ARHGAP31: variants seen among roughly 807,000 people sequenced by gnomAD.
The protein encoded by ARHGAP31 is rho GTPase-activating protein 31.
A neutral mutation model predicts 113.9 loss-of-function variants in ARHGAP31; 34 were observed. The observed-to-expected ratio is 0.30, with a 90% CI of 0.23 to 0.40. The LOEUF is 0.40. Among genes scored for constraint, ARHGAP31 ranks in the 10% least tolerant of loss-of-function variants. The pLI is 1.00. For synonymous variants in ARHGAP31, 650 were observed against 684.8 expected (o/e 0.95, Z 0.79); for missense variants, 1,548 against 1,767.1 (o/e 0.88, Z 2.22).
In ARHGAP31 at chr3:119,294,699, G is replaced by A. The variant is rs1054143605; in HGVS notation, c.-206G>A. On this transcript the variant is annotated 5_prime_UTR_variant, in exon 1 of 12. Transcript: ENST00000264245. ...TGCACGGCCTCGGCACGGCGGCCCC[G>A]GAGCGGCGCGGGGTGGATCTCAGGC... is the stretch of plus-strand genomic sequence containing the variant. 1.1e-4 allele frequency: 63 copies of A among 596,348 alleles called. No individual in the cohort carries two copies. In the African/African-American group the frequency reaches 1.2e-3, roughly 11 times the overall value. 36.9% of individuals were successfully genotyped at this position (596,348 alleles called of 1,614,324 possible).
intron 6 of ARHGAP31, among the ~76,000 whole-genome samples, chr3:119,386,584 C>T (rs748993139): frequency 1.3e-5 from 2 of 152,140 alleles, no homozygotes; most frequent in South Asian, 2.1e-4. Context: ...TCCCTGTGTG[C>T]GGCGACGAGA....
intron 1 of ARHGAP31, among the ~76,000 whole-genome samples, chr3:119,319,414 A>G (rs1443648152): frequency 6.6e-6 from 1 of 152,098 alleles, no homozygotes; most frequent in African/African-American, 2.4e-5. Context: ...TTTCTCTGCC[A>G]CCGTCTTTTA....
chr3:119,355,261 T>C (rs2080144963), intron 1 of ARHGAP31, among the ~76,000 whole-genome samples: 1 of 152,222 alleles, frequency 6.6e-6, no homozygotes, highest in Non-Finnish European at 1.5e-5. Flanking sequence ...AAAATGGAGA[T>C]CATTTTGTCT....
intron 10 of ARHGAP31, among the ~76,000 whole-genome samples, chr3:119,407,545 T>G (rs2080675006): frequency 6.6e-6 from 1 of 152,206 alleles, no homozygotes; most frequent in African/African-American, 2.4e-5. Context: ...AGTATCTGTT[T>G]ACATATGCAA....
chr3:119,347,014 C>T (rs2080065148), intron 1 of ARHGAP31, among the ~76,000 whole-genome samples: 1 of 152,136 alleles, frequency 6.6e-6, no homozygotes, highest in South Asian at 2.1e-4. Context: ...TACTTGGGGG[C>T]CGGGATGGTG....
At chr3:119,304,167 C>T (rs145095560) in intron 1 of ARHGAP31, among the ~76,000 whole-genome samples, 26 of 152,264 alleles carry the variant, frequency 1.7e-4, no homozygotes, top group African/African-American at 5.8e-4. Context: ...TAATGGGATT[C>T]TAACGTGCCA....
chr3:119,372,858 A>T (rs990702156), intron 3 of ARHGAP31, among the ~76,000 whole-genome samples: 4 of 152,212 alleles, frequency 2.6e-5, no homozygotes, highest in African/African-American at 9.7e-5. Context: ...GGAGGTAAAG[A>T]TGTAGTTCTG....
chr3:119,381,072 A>G, intron 4 of ARHGAP31, 86 bp downstream of exon 4: 3 of 1,318,892 alleles, frequency 2.3e-6, no homozygotes, highest in Admixed American at 1.8e-5. Flanking sequence ...AAAGGAAACA[A>G]TGTGTGGACA....
At chr3:119,373,903 G>A (rs1389897840) in intron 3 of ARHGAP31, among the ~76,000 whole-genome samples, 1 of 152,150 alleles carries the variant, frequency 6.6e-6, no homozygotes, top group African/African-American at 2.4e-5. Flanking sequence ...CTCCATTCTA[G>A]GGTGACAATC....
At position 119,303,290 on chromosome 3, in the gene ARHGAP31, T is replaced by TC. The variant is rs914858594; in HGVS notation, c.100+8287dup. On this transcript the variant is annotated intron_variant, in intron 1 of 11. Coordinates refer to ENST00000264245, the MANE Select transcript of ARHGAP31 (RefSeq NM_020754.4). ...GGCACATTGCTGATGTGCTGGATTA[T>TC]CAGGAATCCAATTGCTTAATGGTCC... Among the ~76,000 whole-genome samples, 4 of 152,198 alleles carry TC rather than the reference T, an allele frequency of 2.6e-5. No individual in the cohort carries two copies. In the East Asian group the frequency reaches 7.7e-4, roughly 29 times the overall value.
At chr3:119,295,065 A>C in intron 1 of ARHGAP31, 61 bp downstream of exon 1, 1 of 1,478,744 alleles carries the variant, frequency 6.8e-7, no homozygotes, top group African/African-American at 1.5e-5. Flanking sequence ...GGAGAGACGG[A>C]CTCTCTCGAG....
At chr3:119,388,288 AATATGT>A (rs1404262280) in intron 6 of ARHGAP31, among the ~76,000 whole-genome samples, 2 of 133,486 alleles carry the variant, frequency 1.5e-5, no homozygotes, top group Admixed American at 1.5e-4. Flanking sequence ...GTATACATAT[AATATGT>A]ATATGTATAA....
intron 6 of ARHGAP31, among the ~76,000 whole-genome samples, chr3:119,388,507 C>T (rs911248485): frequency 2.0e-5 from 3 of 151,906 alleles, no homozygotes; most frequent in Admixed American, 6.6e-5. Context: ...CTTCCAGCTC[C>T]TGTGTGGAGG....
chr3:119,350,186 GC>G (rs1410184528), intron 1 of ARHGAP31, among the ~76,000 whole-genome samples: 1 of 152,174 alleles, frequency 6.6e-6, no homozygotes, highest in African/African-American at 2.4e-5. Flanking sequence ...GCAGGGAAGT[GC>G]CGTTGTTTTC....
intron 1 of ARHGAP31, among the ~76,000 whole-genome samples, chr3:119,364,299 C>CTTTAAA (rs2080235514): frequency 6.6e-6 from 1 of 151,752 alleles, no homozygotes; most frequent in Non-Finnish European, 1.5e-5. Flanking sequence ...ACCTTTAAAT[C>CTTTAAA]ACCTTCGACA....
At chr3:119,323,144 C>T (rs1171724488) in intron 1 of ARHGAP31, among the ~76,000 whole-genome samples, 2 of 152,214 alleles carry the variant, frequency 1.3e-5, no homozygotes, top group African/African-American at 4.8e-5. Flanking sequence ...CCCCTTTCGG[C>T]GCTGGGGACT....
intron 3 of ARHGAP31, among the ~76,000 whole-genome samples, chr3:119,376,327 A>T (rs1443947613): frequency 6.6e-6 from 1 of 152,116 alleles, no homozygotes; most frequent in African/African-American, 2.4e-5. Flanking sequence ...CGTCTCTACT[A>T]AAAATACAAA....
chr3:119,309,376 TC>T (rs1426043917), intron 1 of ARHGAP31, among the ~76,000 whole-genome samples: 1 of 152,148 alleles, frequency 6.6e-6, no homozygotes, highest in East Asian at 1.9e-4. Flanking sequence ...GAATCATGGC[TC>T]CCATCGATTG....
chr3:119,400,923 C>T (rs1336928439), intron 9 of ARHGAP31, among the ~76,000 whole-genome samples: 1 of 152,196 alleles, frequency 6.6e-6, no homozygotes, highest in Admixed American at 6.5e-5. Context: ...GTCATCCCAG[C>T]ACTTTGGGAG....
Sources: allele counts gnomAD v4.1 joint callset (sites outside exome capture counted in the v4.1 genomes callset), GRCh38; gene constraint gnomAD v4.1.1; transcripts MANE v1.5; gene names NCBI Gene and HGNC (gene_info 2026-07-23, HGNC 2026-07-21).